TF: variants seen among roughly 807,000 people sequenced by gnomAD.
TF encodes the protein serotransferrin.
In TF, 55 loss-of-function variants were observed where a neutral mutation model predicts 82.4. The ratio of observed to expected loss-of-function variants is 0.67; its 90% CI spans 0.54 to 0.84. The LOEUF is 0.84. TF is among the 40% of genes least tolerant of loss of function. The probability of loss-of-function intolerance (pLI) is 0.00; values close to 1 mark genes in which losing one functional copy is unlikely to be tolerated. For missense variants in TF, 737 were observed against 868.4 expected, an observed-to-expected ratio of 0.85 and a Z score of 1.90; for synonymous variants, 332 against 332.6, an observed-to-expected ratio of 1.00 and a Z score of 0.02.
the TF span, among the ~76,000 whole-genome samples, chr3:133,673,496 C>A: frequency 2.6e-3 from 402 of 152,332 alleles, 3 homozygotes; most frequent in Admixed American, 4.4e-3. Flanking sequence ...AAATGTGCTG[C>A]ATACACAGTG....
At chr3:133,771,668 C>T (rs1038155600) in intron 14 of TF, among the ~76,000 whole-genome samples, 11 of 134,812 alleles carry the variant, frequency 8.2e-5, no homozygotes, top group South Asian at 2.3e-4. Context: ...ACCTGGGAAG[C>T]GGAGCTTGCA....
the TF span, among the ~76,000 whole-genome samples, chr3:133,713,712 A>AG: frequency 6.6e-6 from 1 of 152,162 alleles, no homozygotes; most frequent in Non-Finnish European, 1.5e-5. Context: ...TAGCTTCCTC[A>AG]GGGTCCGGCA....
the TF span, among the ~76,000 whole-genome samples, chr3:133,690,516 A>G: frequency 6.6e-6 from 1 of 152,234 alleles, no homozygotes; most frequent in Non-Finnish European, 1.5e-5. Context: ...ATACATTTCT[A>G]TATCATTTCT....
At chr3:133,764,035 G>A in intron 9 of TF, 147 bp from the exon 10 acceptor site, 1 of 719,576 alleles carries the variant, frequency 1.4e-6, no homozygotes, top group South Asian at 1.4e-5. Context: ...AGTGTGCCTG[G>A]CTGATCTTTT....
Position 133,748,289 on chromosome 3 carries a change from T to C in TF, c.44-123T>C, listed in dbSNP as rs955114843. On this transcript the variant is annotated intron_variant, in intron 1 of 16. Coordinates refer to ENST00000402696, the MANE Select transcript of TF (RefSeq NM_001063.4). ...TAGAACTTGTGCCCTGTAGTGTTCA[T>C]GGACAGGAGTGAGAGGAGGACAGGA... 5 of 1,201,134 alleles carry C rather than the reference T, an allele frequency of 4.2e-6. No individual in the cohort carries two copies. In the Admixed American group the frequency reaches 5.8e-5, roughly 14 times the overall value. The allele number at this position is 1,201,134 out of a possible 1,614,324, so 74.4% of individuals were successfully genotyped here. A position where few individuals can be genotyped will look rare whatever the true frequency, so the allele number is the denominator to read the frequency against.
Position 133,778,697 on chromosome 3 carries a change from C to A in TF, c.*77C>A. 5 of 1,536,696 alleles carry A rather than the reference C, an allele frequency of 3.3e-6. No individual in the cohort carries two copies. In the South Asian group the frequency reaches 5.7e-5, roughly 17 times the overall value. On this transcript the variant is annotated 3_prime_UTR_variant, in exon 17 of 17. Coordinates refer to ENST00000402696, the MANE Select transcript of TF (RefSeq NM_001063.4). ...CATGAGTTTGCCCTGGTTTCACTGG[C>A]CCAAGTGGTTTGTGCTAACCACGTC...
Position 133,756,879 on chromosome 3 carries a change from T to G in TF, c.740T>G (p.Leu247Arg). ...AGGGACCAGTATGAGCTGCTTTGCC[T>G]GGACAACACCCGGAAGCCGGTAGAT... Reference protein sequence around the residue: ...ADRDQYELLCLDNTRKPVDEY... With the variant: ...ADRDQYELLCRDNTRKPVDEY... Residue 247 changes from leucine to arginine, a missense_variant, in exon 7 of 17, where the codon CTG (leucine) becomes CGG (arginine). Transcript: ENST00000402696. The G allele has an allele frequency of 6.2e-7, 1 of 1,614,236 alleles. No individual in the cohort carries two copies. The highest frequency in any genetic ancestry group is 8.5e-7 in the Non-Finnish European group (1 of 1,180,030).
At chr3:133,736,473 C>T in the TF span, among the ~76,000 whole-genome samples, 27 of 151,910 alleles carry the variant, frequency 1.8e-4, no homozygotes, top group African/African-American at 4.1e-4. Flanking sequence ...TTAATGTAAA[C>T]GGGCTAAGTG....
chr3:133,723,963 T>C, the TF span, among the ~76,000 whole-genome samples: 2 of 152,160 alleles, frequency 1.3e-5, no homozygotes, highest in Admixed American at 6.6e-5. Flanking sequence ...ATTTCATCCA[T>C]GTCCCTACAA....
chr3:133,729,390 T>C, the TF span, among the ~76,000 whole-genome samples: 1 of 152,254 alleles, frequency 6.6e-6, no homozygotes, highest in Non-Finnish European at 1.5e-5. Flanking sequence ...GCCTCGCTGC[T>C]GCCTTGCGGT....
chr3:133,742,218 G>A (rs60673191), upstream of TF, among the ~76,000 whole-genome samples: 4,436 of 152,230 alleles, frequency 0.029, 217 homozygotes, highest in African/African-American at 0.1. Flanking sequence ...GTGAGCTCAA[G>A]CAATCCTCCT....
chr3:133,721,744 G>C, the TF span, among the ~76,000 whole-genome samples: 1 of 151,976 alleles, frequency 6.6e-6, no homozygotes, highest in Non-Finnish European at 1.5e-5. Flanking sequence ...AATAATATTT[G>C]CTTTATATAT....
chr3:133,745,758 C>T (rs1933480016), upstream of TF, among the ~76,000 whole-genome samples: 1 of 152,208 alleles, frequency 6.6e-6, no homozygotes, highest in South Asian at 2.1e-4. Flanking sequence ...AGGTGTCCCA[C>T]AGGAAGCTTG....
chr3:133,757,227 G>T (rs1323049410), intron 7 of TF, among the ~76,000 whole-genome samples: 1 of 152,206 alleles, frequency 6.6e-6, no homozygotes, highest in Non-Finnish European at 1.5e-5. Flanking sequence ...TTTCTGGCTG[G>T]TGACACCTGA....
chr3:133,680,606 T>C, the TF span, among the ~76,000 whole-genome samples: 7 of 151,916 alleles, frequency 4.6e-5, no homozygotes, highest in Admixed American at 4.6e-4. Context: ...ATCTTGACAT[T>C]CCACACAAAG....
At chr3:133,754,108 C>T (rs373758007) in intron 3 of TF, 1 of 416,242 alleles carries the variant, frequency 2.4e-6, no homozygotes. Context: ...CTTCTGAGAT[C>T]AACCTGACTG....
At chr3:133,699,590 G>A in the TF span, 1 of 586,410 alleles carries the variant, frequency 1.7e-6, no homozygotes, top group African/African-American at 1.9e-5. Flanking sequence ...GTGGCAAGGA[G>A]GACTTGATCT....
intron 9 of TF, among the ~76,000 whole-genome samples, chr3:133,759,836 T>A (rs1053864949): frequency 3.3e-5 from 5 of 152,102 alleles, no homozygotes; most frequent in Non-Finnish European, 7.4e-5. Flanking sequence ...ATTTTTTTTT[T>A]AAGAAAGAAT....
Position 133,774,863 on chromosome 3 carries a change from T to TG in TF, c.1688-570_1688-569insG. 9.6e-5 allele frequency: 5 copies of TG among 52,338 alleles called. No individual in the cohort carries two copies. In the African/African-American group the frequency reaches 2.1e-3, roughly 22 times the overall value. 3.2% of individuals were successfully genotyped at this position (52,338 alleles called of 1,614,324 possible). ...GCTGAAACCCTAAGAATGGGTGAGT[T>TG]TTTTTTTTTTTTCAGAGACAATACA... On this transcript the variant is annotated intron_variant, in intron 14 of 16. Coordinates refer to ENST00000402696, the MANE Select transcript of TF (RefSeq NM_001063.4).
Sources: gnomAD v4.1 joint callset for allele counts (sites outside exome capture counted in the v4.1 genomes callset) on GRCh38, gnomAD v4.1.1 for gene constraint, MANE v1.5 for transcripts, NCBI Gene and HGNC (gene_info 2026-07-23, HGNC 2026-07-21) for gene names.